The following THEM6 variants were observed in gnomAD, a reference collection of about 807,000 sequenced individuals.
The protein encoded by THEM6 is thioesterase superfamily member 6, also known as protein THEM6.
THEM6 carries 10 observed loss-of-function variants against 13.7 expected under a neutral mutation model. The ratio of observed to expected loss-of-function variants is 0.73; its 90% confidence interval spans 0.45 to 1.24. The LOEUF (loss-of-function observed/expected upper bound fraction) is 1.24, where lower values mean the gene tolerates loss of function less well. Among genes scored for constraint, THEM6 ranks in the 50% most tolerant of loss-of-function variants. The pLI is 0.00. For synonymous variants in THEM6, 161 were observed against 156.0 expected, an observed-to-expected ratio of 1.03 and a Z score of -0.24; for missense variants, 317 against 312.6, an observed-to-expected ratio of 1.01 and a Z score of -0.11.
chr8:142,727,572 T>A lies in THEM6; in HGVS notation c.226T>A (p.Phe76Ile). The change falls in exon 1 of 2, where the codon TTT becomes ATT. Residue 76 changes from phenylalanine (F) to isoleucine (I), a missense_variant. By Grantham distance (21) the Phe-to-Ile change is conservative. Transcript: ENST00000336138. Reference sequence around the variant, plus strand: ...CGCGCGCTACCTGCGCGAGGCCGACTTTGCGCGCGTCGCGCACCTGACCCG... The same window carrying A: ...CGCGCGCTACCTGCGCGAGGCCGACATTGCGCGCGTCGCGCACCTGACCCG... ...NNARYLREAD[F>I]ARVAHLTRCG... 1 of 1,536,140 alleles carries A rather than the reference T, an allele frequency of 6.5e-7. No individual in the cohort carries two copies. The highest frequency in any genetic ancestry group is 1.4e-5 in the African/African-American group (1 of 70,484).
At chr8:142,729,542 G>C (rs587663528) in intron 1 of THEM6, among the ~76,000 whole-genome samples, 1 of 152,294 alleles carries the variant, frequency 6.6e-6, no homozygotes, top group Non-Finnish European at 1.5e-5. Flanking sequence ...TTTATTATTA[G>C]ATGTAGAAGC....
At position 142,736,825 on chromosome 8, in the gene THEM6, CG is replaced by C. The variant is rs1180128292; in HGVS notation, c.*1387del. 6.6e-6 allele frequency: 1 copy of C among 152,282 alleles called. No individual in the cohort carries two copies. Among genetic ancestry groups the C allele is most frequent in the Non-Finnish European group, 1.5e-5 (1 of 68,084 alleles). The allele number at this position is 152,282 out of a possible 1,614,324, so 9.4% of individuals were successfully genotyped here. On this transcript the variant is annotated 3_prime_UTR_variant, in exon 2 of 2. Coordinates refer to ENST00000336138, the MANE Select transcript of THEM6 (RefSeq NM_016647.3). ...GGCTGCAGCACTGCCCGATAGAACA[CG>C]CCCGCCCTCACTGCTGTTCTTGCCT...
In THEM6 at chr8:142,735,162, C is replaced by T. The variant is rs1815730258; in HGVS notation, c.514-164C>T. On this transcript the variant is annotated intron_variant, in intron 1 of 1. Transcript: ENST00000336138. ...GCGGGGCTGTGTCAAGGTGGGTATG[C>T]AGGGGTAGCACAAGTGTGCAGAGCC... is the stretch of plus-strand genomic sequence containing the variant. 5 of 618,766 alleles carry T rather than the reference C, an allele frequency of 8.1e-6. No individual in the cohort carries two copies. The Admixed American group carries it at 9.6e-5, about 12-fold the overall frequency. The allele number at this position is 618,766 out of a possible 1,614,324, so 38.3% of individuals were successfully genotyped here.
chr8:142,730,441 T>G (rs1413033844), intron 1 of THEM6, among the ~76,000 whole-genome samples: 1 of 152,208 alleles, frequency 6.6e-6, no homozygotes, highest in East Asian at 1.9e-4. Flanking sequence ...GTATATCATT[T>G]TTGCTGCATA....
chr8:142,728,957 T>C (rs201253982), intron 1 of THEM6, among the ~76,000 whole-genome samples: 47 of 147,938 alleles, frequency 3.2e-4, no homozygotes, highest in South Asian at 2.6e-3. Flanking sequence ...TTTTTTTTTT[T>C]CAGACGGATT....
intron 1 of THEM6, among the ~76,000 whole-genome samples, chr8:142,732,206 A>ATT (rs59397260): frequency 1.1e-5 from 1 of 95,004 alleles, no homozygotes; most frequent in Non-Finnish European, 2.0e-5. Flanking sequence ...ATATATATAT[A>ATT]TTTTAACTAC....
At chr8:142,730,354 A>G (rs192958158) in intron 1 of THEM6, among the ~76,000 whole-genome samples, 3 of 152,166 alleles carry the variant, frequency 2.0e-5, no homozygotes, top group Admixed American at 2.0e-4. Flanking sequence ...GTGCTGGTGT[A>G]CTGGAAATTC....
chr8:142,733,120 C>G (rs1160243846), intron 1 of THEM6, among the ~76,000 whole-genome samples: 1 of 152,118 alleles, frequency 6.6e-6, no homozygotes, highest in Non-Finnish European at 1.5e-5. Flanking sequence ...TGTATCTGTC[C>G]CGATTGGCTA....
At position 142,727,240 on chromosome 8, in the gene THEM6, C is replaced by A; in HGVS notation, c.-107C>A. Reference sequence around the variant, plus strand: ...CGCGCTGTGGTTCGCTCCGGGCGCGCTGCGCTCGTGAGTTCCCAGGAGGCC... The same window carrying A: ...CGCGCTGTGGTTCGCTCCGGGCGCGATGCGCTCGTGAGTTCCCAGGAGGCC... On this transcript the variant is annotated 5_prime_UTR_variant, in exon 1 of 2. The change creates a new upstream start codon in the 5' untranslated region. Coordinates refer to ENST00000336138, the MANE Select transcript of THEM6 (RefSeq NM_016647.3). 3 of 1,200,426 alleles carry A rather than the reference C, an allele frequency of 2.5e-6. No individual in the cohort carries two copies. The highest frequency in any genetic ancestry group is 3.3e-6 in the Non-Finnish European group (3 of 923,058). The allele number at this position is 1,200,426 out of a possible 1,614,324, so 74.4% of individuals were successfully genotyped here.
intron 1 of THEM6, among the ~76,000 whole-genome samples, chr8:142,730,962 G>A (rs1346391122): frequency 6.6e-6 from 1 of 152,106 alleles, no homozygotes; most frequent in Non-Finnish European, 1.5e-5. Context: ...AGCCAGGATA[G>A]TCTCGATCTC....
At position 142,735,534 on chromosome 8, in the gene THEM6, T is replaced by G; in HGVS notation, c.*95T>G. ...CAGCCATACTCTGTTCCAGCTGGAGTAGCCTCCTGACCAGCCTGGCCCACC... is the reference window on the plus strand; with the variant it reads ...CAGCCATACTCTGTTCCAGCTGGAGGAGCCTCCTGACCAGCCTGGCCCACC... On this transcript the variant is annotated 3_prime_UTR_variant, in exon 2 of 2. Coordinates refer to ENST00000336138, the MANE Select transcript of THEM6 (RefSeq NM_016647.3). 3.1e-6 allele frequency: 3 copies of G among 981,068 alleles called. No homozygotes were observed. The highest frequency in any genetic ancestry group is 1.6e-5 in the African/African-American group (1 of 62,430). 60.8% of individuals were successfully genotyped at this position (981,068 alleles called of 1,614,324 possible).
At chr8:142,733,953 T>G (rs1461453281) in intron 1 of THEM6, among the ~76,000 whole-genome samples, 1 of 152,210 alleles carries the variant, frequency 6.6e-6, no homozygotes. Context: ...TAGAAAGGCA[T>G]GTCTGGGTTA....
In THEM6 at chr8:142,727,551, C is replaced by A; in HGVS notation, c.205C>A (p.Arg69Ser). 6.4e-7 allele frequency: 1 copy of A among 1,557,130 alleles called. No individual in the cohort carries two copies. Among genetic ancestry groups the A allele is most frequent in the Non-Finnish European group, 8.6e-7 (1 of 1,160,498 alleles). Reference protein sequence around the residue: ...LDLLLHMNNARYLREADFARV... With the variant: ...LDLLLHMNNASYLREADFARV... The stretch of plus-strand genomic sequence containing the variant: ...CCTGCTGCTGCACATGAACAACGCG[C>A]GCTACCTGCGCGAGGCCGACTTTGC... The change falls in exon 1 of 2, where the codon CGC becomes AGC. Residue 69 changes from arginine (R) to serine (S), a missense_variant. Physicochemically the swap from Arg to Ser is moderately radical, Grantham distance 110 (BLOSUM62 -1). Transcript: ENST00000336138.
chr8:142,729,081 G>A (rs1158896974), intron 1 of THEM6, among the ~76,000 whole-genome samples: 4 of 151,670 alleles, frequency 2.6e-5, no homozygotes, highest in Non-Finnish European at 5.9e-5. Context: ...CTGGGACTAC[G>A]GCGCCAGCCA....
At position 142,735,688 on chromosome 8, in the gene THEM6, G is replaced by C. The variant is rs911440068; in HGVS notation, c.*249G>C. ...CTCAAGGTGGGGATGGATGGGCAAA[G>C]GAGAGTCCTGCCTGGCCCTACGATG... On this transcript the variant is annotated 3_prime_UTR_variant, in exon 2 of 2. Transcript: ENST00000336138. The C allele has an allele frequency of 2.1e-5, 11 of 519,922 alleles. No homozygotes were observed. Among genetic ancestry groups the C allele is most frequent in the Non-Finnish European group, 3.5e-5 (10 of 284,540 alleles). The allele number at this position is 519,922 out of a possible 1,614,324, so 32.2% of individuals were successfully genotyped here.
At position 142,735,841 on chromosome 8, in the gene THEM6, C is replaced by G; in HGVS notation, c.*402C>G. The stretch of plus-strand genomic sequence containing the variant: ...CGAGGCAGGGCCAGACCAGAGCATC[C>G]TGGGTACAGGCCTGGGCTCTCCAGG... On this transcript the variant is annotated 3_prime_UTR_variant, in exon 2 of 2. Coordinates refer to ENST00000336138, the MANE Select transcript of THEM6 (RefSeq NM_016647.3). 1 of 218,164 alleles carries G rather than the reference C, an allele frequency of 4.6e-6. No individual in the cohort carries two copies. Among genetic ancestry groups the G allele is most frequent in the East Asian group, 1.1e-4 (1 of 9,082 alleles). 13.5% of individuals were successfully genotyped at this position (218,164 alleles called of 1,614,324 possible).
At position 142,728,937 on chromosome 8, in the gene THEM6, C is replaced by CTTTTTTT. The variant is rs58263738; in HGVS notation, c.513+1092_513+1098dup. ...TTGCAAGAATCAATATTACTATTTT[C>CTTTTTTT]TTTTTTTTTTTTTTTTTTTTCAGAC... On this transcript the variant is annotated intron_variant, in intron 1 of 1. Transcript: ENST00000336138. Among the ~76,000 whole-genome samples, 59 of 107,220 alleles carry CTTTTTTT rather than the reference C, an allele frequency of 5.5e-4. 1 individual carries two copies. Among genetic ancestry groups the CTTTTTTT allele is most frequent in the Non-Finnish European group, 6.9e-4 (38 of 55,252 alleles). The allele number at this position is 107,220 out of a possible 152,430, so 70.3% of individuals were successfully genotyped here.
At chr8:142,728,482 C>G (rs1373839791) in intron 1 of THEM6, among the ~76,000 whole-genome samples, 3 of 152,262 alleles carry the variant, frequency 2.0e-5, no homozygotes, top group Admixed American at 1.3e-4. Context: ...GGACGGCCAC[C>G]AGGCCGATGT....
chr8:142,728,902 T>C (rs1815580616), intron 1 of THEM6, among the ~76,000 whole-genome samples: 2 of 152,040 alleles, frequency 1.3e-5, no homozygotes, highest in African/African-American at 4.8e-5. Context: ...ATTTTCTTAA[T>C]TACTATATTT....
Sources: gnomAD v4.1 joint callset for allele counts (sites outside exome capture counted in the v4.1 genomes callset) on GRCh38, gnomAD v4.1.1 for gene constraint, MANE v1.5 for transcripts, NCBI Gene and HGNC (gene_info 2026-07-23, HGNC 2026-07-21) for gene names.